Variants in CEP83 observed in about 807,000 individuals in gnomAD.
CEP83 encodes centrosomal protein 83.
In CEP83, 70 loss-of-function variants were observed where a neutral mutation model predicts 101.9. That is an observed-to-expected ratio of 0.69 (90% CI 0.57 to 0.84). The LOEUF is 0.84. CEP83 is among the 40% of genes least tolerant of loss of function. The pLI, the probability that CEP83 is intolerant of heterozygous loss-of-function variation, is 0.00. For synonymous variants in CEP83, 264 were observed against 267.9 expected, an observed-to-expected ratio of 0.99 and a Z score of 0.14; for missense variants, 715 against 787.2, an observed-to-expected ratio of 0.91 and a Z score of 1.10.
the CEP83 span, among the ~76,000 whole-genome samples, chr12:94,283,205 T>C: frequency 6.6e-6 from 1 of 152,132 alleles, no homozygotes; most frequent in African/African-American, 2.4e-5. Flanking sequence ...GTAGTAGTGC[T>C]GTGTGGCTTG....
At chr12:94,383,137 T>C (rs2061943298) in intron 6 of CEP83, among the ~76,000 whole-genome samples, 1 of 152,082 alleles carries the variant, frequency 6.6e-6, no homozygotes, top group African/African-American at 2.4e-5. Flanking sequence ...GGTATTTTTC[T>C]TTGTTATTTT....
the CEP83 span, chr12:94,282,488 C>A: frequency 1.2e-6 from 1 of 869,370 alleles, no homozygotes; most frequent in Non-Finnish European, 1.9e-6. Context: ...AGGACTCCCA[C>A]CCATTTCCTG....
At chr12:94,312,747 A>T in intron 15 of CEP83, 167 bp downstream of exon 15, 1 of 984,636 alleles carries the variant, frequency 1.0e-6, no homozygotes, top group East Asian at 1.1e-4. Context: ...TTAAAGAAAC[A>T]TTCAGTTAGG....
chr12:94,445,272 T>TAC (rs3069395), intron 1 of CEP83, among the ~76,000 whole-genome samples: 21,870 of 150,144 alleles, frequency 0.15, 1,829 homozygotes, highest in African/African-American at 0.24. Flanking sequence ...GCCTTTTCCA[T>TAC]ACACACACAC....
At chr12:94,448,064 G>C (rs2066939057) in intron 1 of CEP83, among the ~76,000 whole-genome samples, 2 of 151,930 alleles carry the variant, frequency 1.3e-5, no homozygotes, top group Admixed American at 1.3e-4. Flanking sequence ...CTGTCAACAA[G>C]AGATAAATCT....
At chr12:94,424,796 A>C (rs1428945926) in intron 2 of CEP83, 1 of 1,609,652 alleles carries the variant, frequency 6.2e-7, no homozygotes, top group African/African-American at 1.3e-5. Context: ...TCGGATGTAT[A>C]GGTTGGTTTT....
At chr12:94,444,567 C>G (rs1027530222) in intron 1 of CEP83, among the ~76,000 whole-genome samples, 1 of 152,050 alleles carries the variant, frequency 6.6e-6, no homozygotes, top group Non-Finnish European at 1.5e-5. Context: ...GTTCAAGAAT[C>G]TTCTTTTATT....
chr12:94,437,074 G>A (rs1163023446), intron 1 of CEP83, among the ~76,000 whole-genome samples: 1 of 151,988 alleles, frequency 6.6e-6, no homozygotes, highest in Admixed American at 6.5e-5. Flanking sequence ...GCCAGGCGTG[G>A]TGGCTCATGC....
chr12:94,296,492 C>A, the CEP83 span, among the ~76,000 whole-genome samples: 3 of 152,170 alleles, frequency 2.0e-5, no homozygotes, highest in Admixed American at 6.5e-5. Flanking sequence ...AAATGCCTTA[C>A]TTCCTCTCTT....
At chr12:94,395,994 G>A (rs1031852158) in intron 6 of CEP83, among the ~76,000 whole-genome samples, 6 of 152,094 alleles carry the variant, frequency 3.9e-5, no homozygotes, top group Non-Finnish European at 5.9e-5. Context: ...CTGTCACTTT[G>A]ATGGTTTTTC....
intron 1 of CEP83, among the ~76,000 whole-genome samples, chr12:94,446,579 G>A (rs989359000): frequency 6.9e-4 from 105 of 152,038 alleles, no homozygotes; most frequent in African/African-American, 2.4e-3. Flanking sequence ...GTGGTGGTGC[G>A]CACCTATAGT....
intron 11 of CEP83, among the ~76,000 whole-genome samples, chr12:94,349,298 A>G (rs1193417103): frequency 2.0e-5 from 3 of 151,920 alleles, no homozygotes; most frequent in African/African-American, 4.8e-5. Flanking sequence ...AAAAAAAAAA[A>G]AAAAGAAAAA....
intron 15 of CEP83, among the ~76,000 whole-genome samples, chr12:94,310,873 G>A (rs1452908686): frequency 6.6e-6 from 1 of 152,106 alleles, no homozygotes; most frequent in African/African-American, 2.4e-5. Context: ...TTGGTTCCTG[G>A]CACACAGCTC....
chr12:94,302,592 ACACTT>A (rs1407590518), downstream of CEP83, among the ~76,000 whole-genome samples: 1 of 152,222 alleles, frequency 6.6e-6, no homozygotes, highest in Non-Finnish European at 1.5e-5. Flanking sequence ...TGTTCTTGAC[ACACTT>A]CACTTAATCC....
chr12:94,337,707 T>A (rs1311849871), intron 11 of CEP83, among the ~76,000 whole-genome samples: 1 of 151,992 alleles, frequency 6.6e-6, no homozygotes, highest in Non-Finnish European at 1.5e-5. Context: ...ATAAAAGAGA[T>A]GCAATTTGAA....
At chr12:94,428,750 T>C (rs777309121) in intron 2 of CEP83, among the ~76,000 whole-genome samples, 11 of 152,332 alleles carry the variant, frequency 7.2e-5, no homozygotes, top group Middle Eastern at 3.4e-3. Context: ...GTGACTGCTA[T>C]ACCACATTTA....
chr12:94,348,645 GTTT>G (rs1467617459), intron 11 of CEP83, among the ~76,000 whole-genome samples: 5 of 152,154 alleles, frequency 3.3e-5, no homozygotes, highest in Non-Finnish European at 7.3e-5. Flanking sequence ...CATGGTCACT[GTTT>G]GGTGGTCTGC....
intron 11 of CEP83, among the ~76,000 whole-genome samples, chr12:94,337,719 T>A (rs767330382): frequency 1.8e-4 from 28 of 152,076 alleles, no homozygotes; most frequent in Non-Finnish European, 3.4e-4. Context: ...CAATTTGAAC[T>A]AGATCTTGAA....
At chr12:94,447,358 A>G (rs1303610419) in intron 1 of CEP83, among the ~76,000 whole-genome samples, 1 of 152,212 alleles carries the variant, frequency 6.6e-6, no homozygotes, top group Non-Finnish European at 1.5e-5. Context: ...TACAAAAAAT[A>G]GCCAGGTGTG....
Sources: gnomAD v4.1 joint callset for allele counts (sites outside exome capture counted in the v4.1 genomes callset) on GRCh38, gnomAD v4.1.1 for gene constraint, MANE v1.5 for transcripts, NCBI Gene and HGNC (gene_info 2026-07-23, HGNC 2026-07-21) for gene names.